The following MLPH variants were observed in gnomAD, a reference collection of about 807,000 sequenced individuals.
MLPH encodes the protein melanophilin.
MLPH carries 51 observed loss-of-function variants against 72.1 expected under a neutral mutation model. The observed-to-expected ratio is 0.71, with a 90% CI of 0.56 to 0.89. The LOEUF is 0.89. MLPH is among the 40% of genes least tolerant of loss of function. The pLI, the probability that MLPH is intolerant of heterozygous loss-of-function variation, is 0.00. For synonymous variants in MLPH, 301 were observed against 310.1 expected, an observed-to-expected ratio of 0.97 and a Z score of 0.31; for missense variants, 743 against 759.9, an observed-to-expected ratio of 0.98 and a Z score of 0.26.
At chr2:237,538,882 C>T (rs977272124) in intron 9 of MLPH, among the ~76,000 whole-genome samples, 1 of 152,206 alleles carries the variant, frequency 6.6e-6, no homozygotes, top group Non-Finnish European at 1.5e-5. Context: ...ACATTTCAAA[C>T]AGGACAGTCA....
intron 2 of MLPH, among the ~76,000 whole-genome samples, chr2:237,494,409 G>A (rs1479106254): frequency 2.0e-5 from 3 of 152,120 alleles, no homozygotes; most frequent in Non-Finnish European, 2.9e-5. Context: ...CAGGTGGGGG[G>A]CATGGGATCT....
intron 1 of MLPH, among the ~76,000 whole-genome samples, chr2:237,493,049 G>C (rs886483322): frequency 6.6e-6 from 1 of 152,164 alleles, no homozygotes; most frequent in Non-Finnish European, 1.5e-5. Flanking sequence ...TTTCTCCCAG[G>C]GTTTTCCATT....
At chr2:237,520,876 G>A (rs1295165972) in intron 6 of MLPH, among the ~76,000 whole-genome samples, 2 of 152,180 alleles carry the variant, frequency 1.3e-5, no homozygotes, top group Admixed American at 6.5e-5. Flanking sequence ...CTTGAGTTGG[G>A]GGTTGTATGG....
intron 1 of MLPH, among the ~76,000 whole-genome samples, chr2:237,488,552 G>A (rs1435864387): frequency 6.6e-6 from 1 of 152,148 alleles, no homozygotes; most frequent in Non-Finnish European, 1.5e-5. Context: ...GTGCTCCTTA[G>A]TATCTAAGTA....
chr2:237,493,294 A>T (rs2079464920), intron 1 of MLPH, 109 bp from the exon 2 acceptor site: 1 of 769,792 alleles, frequency 1.3e-6, no homozygotes, highest in Non-Finnish European at 2.4e-6. Flanking sequence ...CCAAGTACAG[A>T]CAGATGTCCT....
At chr2:237,552,948 C>T (rs147062974) in intron 15 of MLPH, 529 of 366,966 alleles carry the variant, frequency 1.4e-3, no homozygotes, top group African/African-American at 0.01. Context: ...GTTACCACAA[C>T]GAAAGCGCAG....
chr2:237,539,562 G>T (rs974893142), intron 9 of MLPH, among the ~76,000 whole-genome samples: 2 of 152,168 alleles, frequency 1.3e-5, no homozygotes, highest in Non-Finnish European at 2.9e-5. Flanking sequence ...CTCGGAGCTG[G>T]CACCTAAAAC....
intron 4 of MLPH, 139 bp downstream of exon 4, chr2:237,511,240 C>T (rs2079896065): frequency 2.9e-6 from 2 of 688,180 alleles, no homozygotes; most frequent in South Asian, 1.6e-5. Flanking sequence ...ATGCACATGC[C>T]TCTCTGTGAA....
rs764634164 is a variant in MLPH at position 237,527,531 on chromosome 2, A to G, written c.1020+15A>G. On this transcript the variant is annotated intron_variant, in intron 8 of 15. Coordinates refer to ENST00000264605, the MANE Select transcript of MLPH (RefSeq NM_024101.7). ...CTGAGAGTCAGGTAACGGTGGCTGG[A>G]AAGACTTCTGTCTTGTCGTTTCTTT... 4.3e-6 allele frequency: 7 copies of G among 1,614,066 alleles called. No individual in the cohort carries two copies. Among genetic ancestry groups the G allele is most frequent in the South Asian group, 1.1e-5 (1 of 91,074 alleles).
chr2:237,538,487 C>T (rs186763999), intron 9 of MLPH, among the ~76,000 whole-genome samples: 11 of 152,302 alleles, frequency 7.2e-5, no homozygotes, highest in South Asian at 2.1e-4. Context: ...AAAAATCTCT[C>T]GGGTAACCAG....
chr2:237,553,661 T>C lies in MLPH; in HGVS notation c.*69T>C, dbSNP rs747825843. 4.2e-5 allele frequency: 68 copies of C among 1,602,912 alleles called. 1 individual carries two copies. In the South Asian group the frequency reaches 4.3e-4, roughly 10 times the overall value. ...TCCACCACAGCCATCCTGTCCCTCA[T>C]TGGCTCTGTGCTTTCCACTATACAC... On this transcript the variant is annotated 3_prime_UTR_variant, in exon 16 of 16. Coordinates refer to ENST00000264605, the MANE Select transcript of MLPH (RefSeq NM_024101.7).
chr2:237,547,953 A>T (rs73999108), intron 13 of MLPH, among the ~76,000 whole-genome samples: 3 of 152,194 alleles, frequency 2.0e-5, no homozygotes, highest in Admixed American at 1.3e-4. Context: ...AGCCCAGCGC[A>T]GCAGGGAGCC....
At chr2:237,491,610 G>A (rs144565077) in intron 1 of MLPH, among the ~76,000 whole-genome samples, 88 of 152,304 alleles carry the variant, frequency 5.8e-4, no homozygotes, top group Middle Eastern at 3.4e-3. Context: ...AAAGGGATGG[G>A]GACAGGTGAA....
At chr2:237,550,751 G>A (rs1040757018) in intron 14 of MLPH, among the ~76,000 whole-genome samples, 4 of 152,212 alleles carry the variant, frequency 2.6e-5, no homozygotes, top group South Asian at 2.1e-4. Flanking sequence ...TTTTCACCAC[G>A]TTGGCCAGGC....
Position 237,510,913 on chromosome 2 carries a change from G to GTGTA in MLPH, c.333-73_333-72insATGT. 6.7e-7 allele frequency: 1 copy of GTGTA among 1,501,944 alleles called. No individual in the cohort carries two copies. The highest frequency in any genetic ancestry group is 1.1e-5 in the South Asian group (1 of 88,314). 93.0% of individuals were successfully genotyped at this position (1,501,944 alleles called of 1,614,324 possible). ...CATGCACACACTCGTGTGTGTGTGT[G>GTGTA]TGTGTGTGTGTGAGATTTATGCAGG... On this transcript the variant is annotated intron_variant, in intron 3 of 15. Transcript: ENST00000264605. The surrounding 1 kb of genome is among the most constrained non-coding windows in gnomAD (Gnocchi z 4.4).
intron 14 of MLPH, among the ~76,000 whole-genome samples, chr2:237,550,061 A>G (rs548916826): frequency 2.0e-5 from 3 of 152,260 alleles, no homozygotes; most frequent in Admixed American, 1.3e-4. Flanking sequence ...ACACCCGCCC[A>G]AGGATGCACT....
At chr2:237,498,270 C>T (rs2079576714) in intron 2 of MLPH, among the ~76,000 whole-genome samples, 1 of 152,214 alleles carries the variant, frequency 6.6e-6, no homozygotes, top group South Asian at 2.1e-4. Context: ...TTTCTTTTAA[C>T]AGTCTTAAAA....
At chr2:237,501,001 C>T (rs2079635759) in intron 2 of MLPH, among the ~76,000 whole-genome samples, 1 of 151,526 alleles carries the variant, frequency 6.6e-6, no homozygotes, top group African/African-American at 2.4e-5. Flanking sequence ...CAGGTCATCC[C>T]CCGGCTCATA....
chr2:237,498,025 C>T (rs2079571123), intron 2 of MLPH, among the ~76,000 whole-genome samples: 1 of 152,164 alleles, frequency 6.6e-6, no homozygotes, highest in East Asian at 1.9e-4. Flanking sequence ...CGCGACCCAG[C>T]CCGAGGAAAC....
Sources: allele counts gnomAD v4.1 joint callset (sites outside exome capture counted in the v4.1 genomes callset), GRCh38; gene constraint gnomAD v4.1.1; non-coding constraint Gnocchi (gnomAD v3.1); transcripts MANE v1.5; gene names NCBI Gene and HGNC (gene_info 2026-07-23, HGNC 2026-07-21).